Variants in SNTG1 observed in about 807,000 individuals in gnomAD.
The protein encoded by SNTG1 is gamma-1-syntrophin.
A neutral mutation model predicts 74.7 loss-of-function variants in SNTG1; 39 were observed. That is an observed-to-expected ratio of 0.52 (90% CI 0.40 to 0.68). The LOEUF (loss-of-function observed/expected upper bound fraction) is 0.68. Among genes scored for constraint, SNTG1 ranks in the 30% least tolerant of loss-of-function variants. The probability of loss-of-function intolerance (pLI) is 0.00; values close to 1 mark genes in which losing one functional copy is unlikely to be tolerated. For missense variants in SNTG1, 685 were observed against 609.5 expected (o/e 1.12, Z -1.30); for synonymous variants, 254 against 217.1 (o/e 1.17, Z -1.49).
chr8:50,498,517 AG>A (rs1420508898), intron 8 of SNTG1, among the ~76,000 whole-genome samples: 1 of 151,862 alleles, frequency 6.6e-6, no homozygotes, highest in Non-Finnish European at 1.5e-5. Context: ...TATCAGAAAA[AG>A]ATTTACAAAT....
intron 15 of SNTG1, among the ~76,000 whole-genome samples, chr8:50,688,737 C>T (rs577604772): frequency 2.7e-3 from 410 of 152,146 alleles, no homozygotes; most frequent in Non-Finnish European, 4.0e-3. Flanking sequence ...CTTGGCAATG[C>T]GGGCTATTTT....
chr8:50,250,295 A>C (rs1471415433), intron 2 of SNTG1, among the ~76,000 whole-genome samples: 2 of 151,958 alleles, frequency 1.3e-5, no homozygotes, highest in East Asian at 3.9e-4. Flanking sequence ...AAGAAGAATG[A>C]AAAAGAATAA....
intron 2 of SNTG1, among the ~76,000 whole-genome samples, chr8:50,305,406 T>A (rs1296924059): frequency 6.6e-6 from 1 of 152,074 alleles, no homozygotes; most frequent in Non-Finnish European, 1.5e-5. Context: ...GTCTTCTTGG[T>A]GTTGGTCATT....
intron 18 of SNTG1, among the ~76,000 whole-genome samples, chr8:50,791,779 T>C (rs1415010281): frequency 2.0e-5 from 3 of 151,846 alleles, no homozygotes; most frequent in Non-Finnish European, 2.9e-5. Context: ...CGTATTGATT[T>C]CATTAAGCAC....
intron 4 of SNTG1, among the ~76,000 whole-genome samples, chr8:50,433,938 G>A (rs184864155): frequency 8.8e-4 from 134 of 152,138 alleles, no homozygotes; most frequent in Admixed American, 2.0e-3. Context: ...TGTGCACAAC[G>A]TGCAGGTTTG....
At chr8:50,125,061 G>A (rs2131371583) in intron 1 of SNTG1, among the ~76,000 whole-genome samples, 1 of 142,052 alleles carries the variant, frequency 7.0e-6, no homozygotes, top group East Asian at 2.0e-4. Context: ...CACTATACAA[G>A]AGTCCAGCTG....
At chr8:49,962,356 T>C (rs760349638) in intron 1 of SNTG1, among the ~76,000 whole-genome samples, 1 of 151,444 alleles carries the variant, frequency 6.6e-6, no homozygotes, top group Non-Finnish European at 1.5e-5. Flanking sequence ...GATGCTGCAG[T>C]TCAAATGGCA....
chr8:50,290,287 C>T (rs555285494), intron 2 of SNTG1, among the ~76,000 whole-genome samples: 22 of 152,278 alleles, frequency 1.4e-4, no homozygotes, highest in African/African-American at 5.1e-4. Context: ...TACATTATTT[C>T]TCCCTAAGAT....
intron 5 of SNTG1, among the ~76,000 whole-genome samples, chr8:50,447,777 G>A (rs1258824242): frequency 2.0e-5 from 3 of 152,202 alleles, no homozygotes; most frequent in Non-Finnish European, 4.4e-5. Context: ...AAAATAACAT[G>A]TTAGACACTG....
At chr8:50,027,158 G>A (rs1042812983) in intron 1 of SNTG1, among the ~76,000 whole-genome samples, 3 of 152,110 alleles carry the variant, frequency 2.0e-5, no homozygotes, top group East Asian at 1.9e-4. Flanking sequence ...GGGTGAAAGC[G>A]GGTGCTTTGA....
chr8:50,757,068 C>T (rs868324367), intron 18 of SNTG1, among the ~76,000 whole-genome samples: 28 of 151,548 alleles, frequency 1.8e-4, no homozygotes, highest in African/African-American at 6.0e-4. Context: ...TTGGATTTCC[C>T]ACCGTTAAGT....
chr8:49,920,676 T>G (rs1395570720), intron 1 of SNTG1, among the ~76,000 whole-genome samples: 1 of 152,118 alleles, frequency 6.6e-6, no homozygotes, highest in African/African-American at 2.4e-5. Context: ...GTTATCTTGA[T>G]CTTAATCTTA....
At chr8:50,105,452 G>C (rs1166711210) in intron 1 of SNTG1, among the ~76,000 whole-genome samples, 1 of 151,862 alleles carries the variant, frequency 6.6e-6, no homozygotes, top group Non-Finnish European at 1.5e-5. Context: ...GTTTGAATTT[G>C]AGTAACATGA....
chr8:50,350,095 C>A (rs2091606916), intron 2 of SNTG1, among the ~76,000 whole-genome samples: 1 of 152,188 alleles, frequency 6.6e-6, no homozygotes, highest in Non-Finnish European at 1.5e-5. Flanking sequence ...GGTCCCCCAG[C>A]AGCGCCGGCT....
chr8:50,650,683 A>T (rs1178551649), intron 13 of SNTG1, among the ~76,000 whole-genome samples: 1 of 152,074 alleles, frequency 6.6e-6, no homozygotes, highest in Non-Finnish European at 1.5e-5. Flanking sequence ...CTAAGAATTA[A>T]TATATTTCAT....
intron 13 of SNTG1, chr8:50,643,701 C>A (rs1005211989): frequency 6.6e-6 from 1 of 152,090 alleles, no homozygotes; most frequent in East Asian, 1.9e-4. Flanking sequence ...CTTGCAGAAA[C>A]CGGACAAAAA....
chr8:50,107,745 T>A (rs2080432949), intron 1 of SNTG1, among the ~76,000 whole-genome samples: 1 of 151,898 alleles, frequency 6.6e-6, no homozygotes, highest in Non-Finnish European at 1.5e-5. Context: ...GAGACGGGGT[T>A]TTACCATGTT....
At position 50,224,950 on chromosome 8, in the gene SNTG1, TAA is replaced by T. The variant is rs1349256015; in HGVS notation, c.-28+52317_-28+52318del. Among the ~76,000 whole-genome samples, 18 of 152,228 alleles carry T rather than the reference TAA, an allele frequency of 1.2e-4. No individual in the cohort carries two copies. The East Asian group carries it at 3.3e-3, about 28-fold the overall frequency. On this transcript the variant is annotated intron_variant, in intron 2 of 18. Coordinates refer to ENST00000642720, the MANE Select transcript of SNTG1 (RefSeq NM_018967.5). ...TTTCCTGATAAAGGAAAGAATTAAC[TAA>T]AGAGTCTGGTGTATTTTTTTATTTT...
chr8:50,523,894 T>A (rs2094199759), intron 9 of SNTG1, among the ~76,000 whole-genome samples: 1 of 152,164 alleles, frequency 6.6e-6, no homozygotes, highest in South Asian at 2.1e-4. Context: ...GATATGTCTG[T>A]ACTTGGATAT....
Sources: allele counts gnomAD v4.1 joint callset (sites outside exome capture counted in the v4.1 genomes callset), GRCh38; gene constraint gnomAD v4.1.1; transcripts MANE v1.5; gene names NCBI Gene and HGNC (gene_info 2026-07-23, HGNC 2026-07-21).